Variants in AUTS2 observed in about 807,000 individuals in gnomAD.
AUTS2 encodes the protein autism susceptibility gene 2 protein.
A neutral mutation model predicts 112.4 loss-of-function variants in AUTS2; 17 were observed. The ratio of observed to expected loss-of-function variants is 0.15; its 90% CI spans 0.10 to 0.23. The LOEUF (loss-of-function observed/expected upper bound fraction) is 0.23. Ranked by LOEUF, AUTS2 falls within the 10% of genes least tolerant of loss-of-function variation. AUTS2 has a pLI of 1.00. For missense variants in AUTS2, 1,510 were observed against 1,701.6 expected (o/e 0.89, Z 1.98); for synonymous variants, 751 against 702.7 (o/e 1.07, Z -1.09).
At chr7:70,096,599 T>TAAAAAAAAAA (rs374942971) in intron 2 of AUTS2, among the ~76,000 whole-genome samples, 16 of 84,562 alleles carry the variant, frequency 1.9e-4, no homozygotes, top group East Asian at 3.2e-4. Flanking sequence ...AACTCCATCT[T>TAAAAAAAAAA]AAAAAAAAAA....
At chr7:69,890,319 G>C (rs1794465195) in intron 1 of AUTS2, among the ~76,000 whole-genome samples, 1 of 152,198 alleles carries the variant, frequency 6.6e-6, no homozygotes, top group Non-Finnish European at 1.5e-5. Context: ...GAGCTTCTCA[G>C]TGTGTGGTTT....
chr7:70,237,076 T>C (rs981134452), intron 4 of AUTS2, among the ~76,000 whole-genome samples: 1 of 152,246 alleles, frequency 6.6e-6, no homozygotes, highest in Non-Finnish European at 1.5e-5. Flanking sequence ...ATACAAAGAC[T>C]GAGCCCTCAG....
At chr7:70,311,943 T>C (rs1288632074) in intron 4 of AUTS2, among the ~76,000 whole-genome samples, 1 of 152,212 alleles carries the variant, frequency 6.6e-6, no homozygotes, top group Non-Finnish European at 1.5e-5. Context: ...CTTGATCTCT[T>C]GACCTCGTGA....
chr7:69,945,628 G>GT (rs759921547), intron 2 of AUTS2, among the ~76,000 whole-genome samples: 319 of 150,182 alleles, frequency 2.1e-3, no homozygotes, highest in Non-Finnish European at 3.1e-3. Flanking sequence ...GTTTTTTTGG[G>GT]TTTTTTTTTG....
intron 2 of AUTS2, among the ~76,000 whole-genome samples, chr7:69,926,788 AATAT>A (rs1796032322): frequency 6.8e-6 from 1 of 146,904 alleles, no homozygotes; most frequent in South Asian, 2.1e-4. Flanking sequence ...AAGATATATA[AATAT>A]ATATAAAATA....
At chr7:70,063,260 T>C (rs554982988) in intron 2 of AUTS2, among the ~76,000 whole-genome samples, 41 of 151,886 alleles carry the variant, frequency 2.7e-4, no homozygotes, top group Admixed American at 7.2e-4. Flanking sequence ...TTTTGGGTTT[T>C]GTTTTTTTTT....
chr7:69,847,434 A>G (rs1792256033), intron 1 of AUTS2, among the ~76,000 whole-genome samples: 1 of 152,188 alleles, frequency 6.6e-6, no homozygotes, highest in Non-Finnish European at 1.5e-5. Context: ...ATTTTGCTCT[A>G]AGTGTGCTGA....
At chr7:70,685,872 C>A (rs949595032) in intron 5 of AUTS2, among the ~76,000 whole-genome samples, 1 of 152,160 alleles carries the variant, frequency 6.6e-6, no homozygotes, top group African/African-American at 2.4e-5. Flanking sequence ...CACAGATGGT[C>A]GCATCCCTAC....
At chr7:69,702,970 G>A (rs1385394679) in intron 1 of AUTS2, among the ~76,000 whole-genome samples, 1 of 152,134 alleles carries the variant, frequency 6.6e-6, no homozygotes, top group Non-Finnish European at 1.5e-5. Flanking sequence ...TGAGGAGACA[G>A]GATTGTTTAC....
rs1554410190 is a variant in AUTS2, at chr7:70,486,908, C to CAA, written c.690+51135_690+51136dup. ...TGTTGTTTTTGTATTCCCCCCCCCC[C>CAA]AAAAAAAAAGAAGAAAAGGTTGCAT... On this transcript the variant is annotated intron_variant, in intron 5 of 18. Transcript: ENST00000342771. Among the ~76,000 whole-genome samples, 40 of 118,860 alleles carry CAA rather than the reference C, an allele frequency of 3.4e-4. 2 individuals carry two copies. Among genetic ancestry groups the CAA allele is most frequent in the East Asian group, 1.8e-3 (7 of 3,798 alleles). 78.0% of individuals were successfully genotyped at this position (118,860 alleles called of 152,430 possible).
intron 4 of AUTS2, among the ~76,000 whole-genome samples, chr7:70,275,632 G>C (rs1787893111): frequency 6.6e-6 from 1 of 152,128 alleles, no homozygotes; most frequent in Non-Finnish European, 1.5e-5. Flanking sequence ...TCAAATTTTA[G>C]TTCCCATAAT....
chr7:70,458,189 C>T (rs973766529), intron 5 of AUTS2, among the ~76,000 whole-genome samples: 5 of 152,154 alleles, frequency 3.3e-5, no homozygotes, highest in African/African-American at 1.2e-4. Context: ...TGGAGTGGCC[C>T]ACAGCAATGC....
At chr7:70,382,235 C>G (rs942465536) in intron 4 of AUTS2, among the ~76,000 whole-genome samples, 7 of 152,174 alleles carry the variant, frequency 4.6e-5, no homozygotes, top group Non-Finnish European at 1.0e-4. Flanking sequence ...TTGAAAAACT[C>G]TAAACTCTTC....
At chr7:69,642,082 T>G (rs182396534) in intron 1 of AUTS2, among the ~76,000 whole-genome samples, 6 of 152,306 alleles carry the variant, frequency 3.9e-5, no homozygotes, top group Admixed American at 2.0e-4. Context: ...ACTAGCACAG[T>G]CTTCTAATGC....
intron 4 of AUTS2, among the ~76,000 whole-genome samples, chr7:70,217,620 G>C (rs765427466): frequency 1.3e-5 from 2 of 152,196 alleles, no homozygotes; most frequent in Non-Finnish European, 2.9e-5. Context: ...AGGTCGACAT[G>C]AGGTAAAGGT....
chr7:70,203,344 T>TAAAAAAAAA (rs1229996091), intron 4 of AUTS2, among the ~76,000 whole-genome samples: 1 of 110,546 alleles, frequency 9.0e-6, no homozygotes, highest in African/African-American at 3.5e-5. Flanking sequence ...TAGAGTATAA[T>TAAAAAAAAA]AAAAAAAAAA....
At chr7:70,012,733 A>G (rs1584576135) in intron 2 of AUTS2, among the ~76,000 whole-genome samples, 1 of 152,350 alleles carries the variant, frequency 6.6e-6, no homozygotes, top group African/African-American at 2.4e-5. Flanking sequence ...TGCTGACACT[A>G]AGAAAACATC....
intron 1 of AUTS2, among the ~76,000 whole-genome samples, chr7:69,603,600 C>T (rs1583922060): frequency 6.6e-6 from 1 of 152,082 alleles, no homozygotes; most frequent in South Asian, 2.1e-4. Flanking sequence ...CCCTGAAGTT[C>T]AAGTGTATGA....
intron 2 of AUTS2, among the ~76,000 whole-genome samples, chr7:70,117,822 C>T (rs1436117344): frequency 1.3e-5 from 2 of 151,676 alleles, no homozygotes; most frequent in Non-Finnish European, 1.5e-5. Flanking sequence ...AATCTCAGCT[C>T]GCTGCAACCT....
Sources: allele counts gnomAD v4.1 joint callset (sites outside exome capture counted in the v4.1 genomes callset), GRCh38; gene constraint gnomAD v4.1.1; transcripts MANE v1.5; gene names NCBI Gene and HGNC (gene_info 2026-07-23, HGNC 2026-07-21).